Variants in RUNX1T1 observed in about 807,000 individuals in gnomAD.
RUNX1T1 encodes the protein protein CBFA2T1.
In RUNX1T1, 4 loss-of-function variants were observed where a neutral mutation model predicts 62.8. The observed-to-expected ratio is 0.06, with a 90% CI of 0.03 to 0.15. The LOEUF (loss-of-function observed/expected upper bound fraction) is 0.15, where lower values mean the gene tolerates loss of function less well. Ranked by LOEUF, RUNX1T1 falls within the 10% of genes least tolerant of loss-of-function variation. The pLI is 1.00. For missense variants in RUNX1T1, 508 were observed against 754.3 expected, an observed-to-expected ratio of 0.67 and a Z score of 3.82; for synonymous variants, 291 against 286.0, an observed-to-expected ratio of 1.02 and a Z score of -0.18.
In RUNX1T1 at chr8:92,041,858, G is replaced by A. The variant is rs1282852458; in HGVS notation, c.7+20688C>T. 3.5e-5 allele frequency among the ~76,000 whole-genome samples: 5 copies of A among 144,632 alleles called. No homozygotes were observed. In the East Asian group the frequency reaches 1.0e-3, roughly 30 times the overall value. 94.9% of individuals were successfully genotyped at this position (144,632 alleles called of 152,430 possible). On this transcript the variant is annotated intron_variant, in intron 1 of 10. Coordinates refer to ENST00000396218, the Ensembl canonical transcript of RUNX1T1. Reference sequence around the variant, plus strand: ...TTAATTGAGATAGTCTCTCTCTGTTGTCCAGGCTGGAATGCAGTGGTGAGA... The same window carrying A: ...TTAATTGAGATAGTCTCTCTCTGTTATCCAGGCTGGAATGCAGTGGTGAGA...
chr8:92,074,213 C>T (rs1305509479), intron 2 of RUNX1T1, among the ~76,000 whole-genome samples: 2 of 152,138 alleles, frequency 1.3e-5, no homozygotes. Flanking sequence ...ACATGAATAA[C>T]AAATAAATGC....
At chr8:91,955,671 G>A (rs1809253870), downstream of RUNX1T1, 1 of 225,594 alleles carries the variant, frequency 4.4e-6, no homozygotes, top group East Asian at 6.4e-5. Flanking sequence ...CTCCAGACAC[G>A]GGCTCATGCA....
At chr8:91,971,062 G>A in intron 9 of RUNX1T1, 1 of 410,408 alleles carries the variant, frequency 2.4e-6, no homozygotes, top group Non-Finnish European at 4.3e-6. Context: ...CTTTTTTGTA[G>A]AATTCTATAG....
intron 3 of RUNX1T1, among the ~76,000 whole-genome samples, chr8:92,012,302 G>A (rs1044720386): frequency 1.3e-5 from 2 of 152,126 alleles, no homozygotes; most frequent in Admixed American, 6.5e-5. Flanking sequence ...CAGTAGCTTT[G>A]GGAGGCCAAG....
chr8:92,086,696 G>T (rs720444), intron 1 of RUNX1T1, among the ~76,000 whole-genome samples: 121,880 of 152,124 alleles, frequency 0.8, 48,956 homozygotes, highest in East Asian at 0.99. Context: ...CCTGAAGTGA[G>T]TCCCAGCTTC....
intron 10 of RUNX1T1, among the ~76,000 whole-genome samples, chr8:91,969,822 A>C (rs1237179564): frequency 6.6e-6 from 1 of 152,192 alleles, no homozygotes; most frequent in Non-Finnish European, 1.5e-5. Flanking sequence ...AGTCCATGCC[A>C]TTGTGAGTTC....
intron 8 of RUNX1T1, 147 bp downstream of exon 9, chr8:91,985,977 G>C: frequency 4.4e-6 from 3 of 684,692 alleles, no homozygotes; most frequent in Non-Finnish European, 5.1e-6. Context: ...ATTCCTAACA[G>C]ATAGACAAGA....
intron 5 of RUNX1T1, chr8:92,004,888 A>G (rs1820445591): frequency 4.6e-6 from 2 of 434,008 alleles, no homozygotes; most frequent in East Asian, 7.5e-5. Flanking sequence ...CTTTAATACT[A>G]CAAGCAGAAA....
chr8:92,083,974 T>C (rs1024625454), intron 1 of RUNX1T1, among the ~76,000 whole-genome samples: 2 of 152,030 alleles, frequency 1.3e-5, no homozygotes, highest in African/African-American at 4.8e-5. Context: ...CTGGAAACCA[T>C]CATTCTCAGC....
chr8:92,095,628 GA>G, intron 1 of RUNX1T1: 1 of 1,317,004 alleles, frequency 7.6e-7, no homozygotes, highest in Non-Finnish European at 9.9e-7. Context: ...GAGAGAGAGA[GA>G]AGACAGAAAG....
chr8:92,095,060 TG>T (rs1284350363), intron 1 of RUNX1T1: 1 of 1,535,598 alleles, frequency 6.5e-7, no homozygotes, highest in Non-Finnish European at 8.7e-7. Flanking sequence ...GCAGAGGTGA[TG>T]GGAGATAGCG....
At chr8:92,095,307 T>C in intron 1 of RUNX1T1, 1 of 1,524,436 alleles carries the variant, frequency 6.6e-7, no homozygotes, top group Non-Finnish European at 8.8e-7. Flanking sequence ...CACCCCTCCT[T>C]CCTCCCTGCT....
intron 2 of RUNX1T1, among the ~76,000 whole-genome samples, chr8:92,072,367 T>C (rs2130741402): frequency 6.6e-6 from 1 of 152,342 alleles, no homozygotes; most frequent in African/African-American, 2.4e-5. Flanking sequence ...TAAAATATTT[T>C]GTGTGTGCAA....
exon 11 of RUNX1T1, chr8:91,960,317 C>A: frequency 1.2e-6 from 2 of 1,611,332 alleles, no homozygotes; most frequent in Non-Finnish European, 1.7e-6. Context: ...GTGGTGTGTC[C>A]ATCGGGCTCC....
At chr8:91,986,953 T>G in exon 7 of RUNX1T1, 1 of 1,612,306 alleles carries the variant, frequency 6.2e-7, no homozygotes, top group Non-Finnish European at 8.5e-7. Flanking sequence ...TCATTTCTTC[T>G]TGACGTGTGC....
rs1265413279 is a variant in RUNX1T1 at position 92,088,686 on chromosome 8, A to C, written c.-86+10894T>G. On this transcript the variant is annotated intron_variant, in intron 1 of 11. Transcript: ENST00000265814. ...GTCTAGTGGAAGAGTCCTCCCAGAT[A>C]CTCTTTATAATAACATCTCACAGCT... Among the ~76,000 whole-genome samples the C allele has an allele frequency of 2.0e-5, 3 of 151,962 alleles. No homozygotes were observed. In the East Asian group the frequency reaches 5.8e-4, roughly 29 times the overall value.
At chr8:92,046,652 C>T (rs1292516776) in intron 1 of RUNX1T1, among the ~76,000 whole-genome samples, 1 of 152,222 alleles carries the variant, frequency 6.6e-6, no homozygotes, top group Non-Finnish European at 1.5e-5. Context: ...GTGTGAGCCA[C>T]AGTGCCTGGC....
chr8:92,102,415 A>C (rs1010433658), upstream of RUNX1T1, among the ~76,000 whole-genome samples: 3 of 151,442 alleles, frequency 2.0e-5, no homozygotes, highest in Non-Finnish European at 2.9e-5. The surrounding 1 kb of genome is among the most constrained non-coding windows in gnomAD (Gnocchi z 4.5). Flanking sequence ...GTTTACAGAA[A>C]AAGAAAAGAA....
At chr8:91,986,420 G>A (rs1816577288) in intron 7 of RUNX1T1, 95 bp from the exon 9 acceptor site, 3 of 963,800 alleles carry the variant, frequency 3.1e-6, no homozygotes, top group South Asian at 1.4e-5. Context: ...GGACAATGAA[G>A]GAAGCAATTT....
Sources: gnomAD v4.1 joint callset for allele counts (sites outside exome capture counted in the v4.1 genomes callset) on GRCh38, gnomAD v4.1.1 for gene constraint, Gnocchi (gnomAD v3.1) non-coding constraint, MANE v1.5 for transcripts, NCBI Gene and HGNC (gene_info 2026-07-23, HGNC 2026-07-21) for gene names.